Variants in PLCH1 observed in about 807,000 individuals in gnomAD.
The protein encoded by PLCH1 is 1-phosphatidylinositol 4,5-bisphosphate phosphodiesterase eta-1.
A neutral mutation model predicts 126.7 loss-of-function variants in PLCH1; 60 were observed. The observed-to-expected ratio is 0.47, with a 90% CI of 0.38 to 0.59. The LOEUF (loss-of-function observed/expected upper bound fraction) is 0.59, where lower values mean the gene tolerates loss of function less well. PLCH1 is among the 20% of genes least tolerant of loss of function. PLCH1 has a pLI of 0.00. For missense variants in PLCH1, 1,723 were observed against 2,040.0 expected (o/e 0.84, Z 2.99); for synonymous variants, 719 against 734.9 (o/e 0.98, Z 0.35).
At chr3:155,474,065 C>A (rs200560376) in intron 21 of PLCH1, among the ~76,000 whole-genome samples, 188 of 151,698 alleles carry the variant, frequency 1.2e-3, no homozygotes, top group Middle Eastern at 6.9e-3. Flanking sequence ...CAAAAGCCAA[C>A]ATTGACAAAT....
intron 21 of PLCH1, chr3:155,457,428 G>C (rs1433069531): frequency 2.0e-5 from 3 of 152,242 alleles, no homozygotes; most frequent in South Asian, 2.1e-4. Context: ...AATTTCAAAA[G>C]GGGGCCACAG....
At chr3:155,469,123 G>A (rs991182010) in intron 21 of PLCH1, among the ~76,000 whole-genome samples, 20 of 152,152 alleles carry the variant, frequency 1.3e-4, no homozygotes, top group African/African-American at 3.6e-4. Flanking sequence ...CAACGTGAGC[G>A]ACGCAGAAGA....
intron 1 of PLCH1, among the ~76,000 whole-genome samples, chr3:155,739,678 C>T (rs991161162): frequency 6.6e-6 from 1 of 152,160 alleles, no homozygotes; most frequent in African/African-American, 2.4e-5. Context: ...CACTGCATTC[C>T]TGAGTAGTAA....
chr3:155,727,765 T>C (rs1748453259), intron 1 of PLCH1, among the ~76,000 whole-genome samples: 2 of 152,160 alleles, frequency 1.3e-5, no homozygotes, highest in African/African-American at 2.4e-5. Flanking sequence ...TCCAGATGCA[T>C]ACCTGTATTA....
At chr3:155,613,344 A>G (rs1260724594) in intron 2 of PLCH1, among the ~76,000 whole-genome samples, 1 of 111,284 alleles carries the variant, frequency 9.0e-6, no homozygotes, top group Admixed American at 8.6e-5. Context: ...AGGACATAAC[A>G]CCAACAACAA....
At position 155,492,761 on chromosome 3, in the gene PLCH1, GT is replaced by G. The variant is rs752318570; in HGVS notation, c.2274del (p.Lys758AsnfsTer27). On this transcript the variant is annotated frameshift_variant, in exon 18 of 23. Coordinates refer to ENST00000460012, the MANE Select transcript of PLCH1 (RefSeq NM_014996.4). LOFTEE classifies it high-confidence loss of function. ...LKVISGQQLP[K>X]PPDSMFGDRG... is the part of the protein sequence containing the mutation. ...CGATCTCCAAACATGGAGTCTGGAG[GT>G]TTGGGGAGTTGCTGTCCACTGATAA... 1.2e-5 allele frequency: 19 copies of G among 1,605,880 alleles called. No individual in the cohort carries two copies. Among genetic ancestry groups the G allele is most frequent in the Non-Finnish European group, 1.6e-5 (19 of 1,176,596 alleles).
At chr3:155,457,491 G>C (rs1254966735) in intron 21 of PLCH1, 1 of 152,148 alleles carries the variant, frequency 6.6e-6, no homozygotes, top group Non-Finnish European at 1.5e-5. Context: ...TAAGCTACCT[G>C]ATTGCATGCC....
chr3:155,506,406 G>A (rs1718724677), intron 12 of PLCH1, among the ~76,000 whole-genome samples: 1 of 145,740 alleles, frequency 6.9e-6, no homozygotes, highest in Admixed American at 6.9e-5. Flanking sequence ...CATTGTGCAG[G>A]TTAGTTACAT....
intron 21 of PLCH1, among the ~76,000 whole-genome samples, chr3:155,469,084 G>T (rs996061528): frequency 6.6e-6 from 1 of 152,166 alleles, no homozygotes; most frequent in Non-Finnish European, 1.5e-5. Flanking sequence ...CAAGATGGCC[G>T]AATAGGAACA....
At chr3:155,733,075 C>A (rs1400174895) in intron 1 of PLCH1, among the ~76,000 whole-genome samples, 2 of 151,746 alleles carry the variant, frequency 1.3e-5, no homozygotes, top group Non-Finnish European at 2.9e-5. Flanking sequence ...AAAACACGAA[C>A]AAAGGGAAAG....
intron 1 of PLCH1, among the ~76,000 whole-genome samples, chr3:155,719,111 C>T (rs1747744385): frequency 6.6e-6 from 1 of 152,130 alleles, no homozygotes; most frequent in African/African-American, 2.4e-5. Flanking sequence ...GCACCCATCA[C>T]CTGAGCAGAG....
rs1725862903 is a variant in PLCH1, at chr3:155,549,802, G to C, written c.1347C>G (p.Gly449=). ...KQLPSPQSLK[G]KILVKGKKLP... Reference sequence around the variant, plus strand: ...AAGTAATTACCTTCACTAGAATTTTGCCTTTCAAACTTTGAGGGCTTGGAA... The same window carrying C: ...AAGTAATTACCTTCACTAGAATTTTCCCTTTCAAACTTTGAGGGCTTGGAA... Residue 449 remains glycine (G), a synonymous_variant, in exon 10 of 23, where the codon GGC becomes GGG. Coordinates refer to ENST00000460012, the MANE Select transcript of PLCH1 (RefSeq NM_014996.4). 2 of 1,612,296 alleles carry C rather than the reference G, an allele frequency of 1.2e-6. No homozygotes were observed. The highest frequency in any genetic ancestry group is 2.2e-5 in the South Asian group (2 of 90,724).
chr3:155,693,854 C>T (rs998617375), intron 2 of PLCH1, among the ~76,000 whole-genome samples: 7 of 151,832 alleles, frequency 4.6e-5, no homozygotes, highest in Admixed American at 2.0e-4. Context: ...CACTTGAACC[C>T]GGGAGGCAGA....
chr3:155,470,161 G>C (rs1713134648), intron 21 of PLCH1, among the ~76,000 whole-genome samples: 1 of 151,516 alleles, frequency 6.6e-6, no homozygotes, highest in African/African-American at 2.4e-5. Context: ...CAAAGGCAAA[G>C]AAGTTGAAAA....
intron 2 of PLCH1, among the ~76,000 whole-genome samples, chr3:155,693,858 A>G (rs1290552092): frequency 6.6e-6 from 1 of 152,088 alleles, no homozygotes; most frequent in Non-Finnish European, 1.5e-5. Flanking sequence ...TGAACCCGGG[A>G]GGCAGAGGTT....
intron 1 of PLCH1, among the ~76,000 whole-genome samples, chr3:155,709,778 T>C (rs549594717): frequency 6.6e-6 from 1 of 152,218 alleles, no homozygotes; most frequent in Admixed American, 6.5e-5. Flanking sequence ...CCACCATGTC[T>C]GGCTAATTTT....
At chr3:155,526,205 C>T (rs78996591) in intron 10 of PLCH1, among the ~76,000 whole-genome samples, 1,879 of 152,216 alleles carry the variant, frequency 0.012, 19 homozygotes, top group South Asian at 0.021. Context: ...TCAGTATTCA[C>T]ACCCTTCTGC....
At chr3:155,586,425 G>A (rs1002306128) in intron 4 of PLCH1, among the ~76,000 whole-genome samples, 9 of 152,154 alleles carry the variant, frequency 5.9e-5, no homozygotes, top group African/African-American at 9.7e-5. Context: ...GGGGGTTCCC[G>A]GCTGGGTGCA....
At chr3:155,721,407 T>C (rs1577367091) in intron 1 of PLCH1, among the ~76,000 whole-genome samples, 1 of 152,230 alleles carries the variant, frequency 6.6e-6, no homozygotes, top group East Asian at 1.9e-4. Context: ...GTTTTGTTAT[T>C]TTCCTTGCAG....
Sources: gnomAD v4.1 joint callset for allele counts (sites outside exome capture counted in the v4.1 genomes callset) on GRCh38, gnomAD v4.1.1 for gene constraint, MANE v1.5 for transcripts, NCBI Gene and HGNC (gene_info 2026-07-23, HGNC 2026-07-21) for gene names.